The following ZBTB49 variants were observed in gnomAD, a reference collection of about 807,000 sequenced individuals.
ZBTB49 encodes the protein zinc finger and BTB domain-containing protein 49.
ZBTB49 carries 43 observed loss-of-function variants against 57.5 expected under a neutral mutation model. The ratio of observed to expected loss-of-function variants is 0.75; its 90% CI spans 0.59 to 0.97. The LOEUF (loss-of-function observed/expected upper bound fraction) is 0.97. Among genes scored for constraint, ZBTB49 ranks in the 50% least tolerant of loss-of-function variants. The pLI is 0.00. For synonymous variants in ZBTB49, 369 were observed against 362.1 expected, an observed-to-expected ratio of 1.02 and a Z score of -0.22; for missense variants, 938 against 947.7, an observed-to-expected ratio of 0.99 and a Z score of 0.13.
Position 4,290,694 on chromosome 4 carries a change from C to T in ZBTB49, c.-20+342C>T, listed in dbSNP as rs73194099. Reference sequence around the variant, plus strand: ...TTGCCCGCTGGAAGCCAGCCCGGCCCGCCTCCGCTACGCGCTGCCCATCTC... The same window carrying T: ...TTGCCCGCTGGAAGCCAGCCCGGCCTGCCTCCGCTACGCGCTGCCCATCTC... On this transcript the variant is annotated intron_variant, in intron 1 of 7. Coordinates refer to ENST00000337872, the MANE Select transcript of ZBTB49 (RefSeq NM_145291.4). Among the ~76,000 whole-genome samples, 254 of 152,368 alleles carry T rather than the reference C, an allele frequency of 1.7e-3. 1 individual carries two copies. Among genetic ancestry groups the T allele is most frequent in the Non-Finnish European group, 3.1e-3 (213 of 68,030 alleles).
rs780794764 is a variant in ZBTB49 at position 4,302,641 on chromosome 4, C to T, written c.805C>T (p.Pro269Ser). ...TCATTCTGAATGCATCCTGGAGTCT[C>T]CCGAGCACTTACCTTCCAACTTCCT... ...VSHSECILES[P>S]EHLPSNFLAQ... The change falls in exon 3 of 8, where the codon CCC (proline) becomes TCC (serine). Residue 269 changes from proline (P) to serine (S), a missense_variant. This residue lies in a region of ZBTB49 where 835 missense variants were observed against 819.1 expected (regional missense o/e 1.02). Transcript: ENST00000337872. 24 of 1,611,588 alleles carry T rather than the reference C, an allele frequency of 1.5e-5. No individual in the cohort carries two copies. Among genetic ancestry groups the T allele is most frequent in the Admixed American group, 1.3e-4 (8 of 59,814 alleles).
At chr4:4,317,910 G>C (rs1004519415) in intron 7 of ZBTB49, among the ~76,000 whole-genome samples, 1 of 152,112 alleles carries the variant, frequency 6.6e-6, no homozygotes, top group Non-Finnish European at 1.5e-5. Context: ...TGGTTTTAGT[G>C]GCAGCTTCCT....
chr4:4,304,963 CA>C, intron 3 of ZBTB49, among the ~76,000 whole-genome samples: 1 of 151,894 alleles, frequency 6.6e-6, no homozygotes, highest in Non-Finnish European at 1.5e-5. Context: ...GTCCTGAGGC[CA>C]AAAAGTCTGA....
chr4:4,306,043 G>A (rs1720720479), intron 3 of ZBTB49, 95 bp from the exon 4 acceptor site: 1 of 939,330 alleles, frequency 1.1e-6, no homozygotes. Flanking sequence ...AGAATGTAAT[G>A]CCATTTTGAA....
chr4:4,316,567 G>A (rs868070519), intron 7 of ZBTB49, among the ~76,000 whole-genome samples: 1 of 152,132 alleles, frequency 6.6e-6, no homozygotes, highest in African/African-American at 2.4e-5. Context: ...GTGTGTACCC[G>A]TGACAAGTAA....
chr4:4,300,671 C>T (rs1322709436), intron 2 of ZBTB49, among the ~76,000 whole-genome samples: 1 of 151,832 alleles, frequency 6.6e-6, no homozygotes, highest in Non-Finnish European at 1.5e-5. Context: ...TTCCCAGCTA[C>T]TCAGGAGGCT....
chr4:4,292,738 G>A (rs1163027825), intron 1 of ZBTB49, among the ~76,000 whole-genome samples: 1 of 152,160 alleles, frequency 6.6e-6, no homozygotes, highest in Non-Finnish European at 1.5e-5. Context: ...ACTTTAAGGT[G>A]CGTGAACTGT....
intron 2 of ZBTB49, among the ~76,000 whole-genome samples, chr4:4,300,333 G>C (rs1720421368): frequency 6.6e-6 from 1 of 152,116 alleles, no homozygotes; most frequent in Non-Finnish European, 1.5e-5. Flanking sequence ...AATTTGGGAT[G>C]ATTGAAAGTA....
intron 1 of ZBTB49, among the ~76,000 whole-genome samples, chr4:4,293,668 G>A (rs934346670): frequency 6.6e-6 from 1 of 152,362 alleles, no homozygotes; most frequent in Non-Finnish European, 1.5e-5. Flanking sequence ...ATTCTATGTG[G>A]TGTCAACTGG....
In ZBTB49 at chr4:4,294,933, C is replaced by T. The variant is rs552072936; in HGVS notation, c.-20+4581C>T. 1.9e-4 allele frequency among the ~76,000 whole-genome samples: 27 copies of T among 140,978 alleles called. No individual in the cohort carries two copies. In the South Asian group the frequency reaches 5.2e-3, roughly 27 times the overall value. The allele number at this position is 140,978 out of a possible 152,430, so 92.5% of individuals were successfully genotyped here. A position where few individuals can be genotyped will look rare whatever the true frequency, so the allele number is the denominator to read the frequency against. The stretch of plus-strand genomic sequence containing the variant: ...TGTGTGTGTTTAATGTCTTTTTTCC[C>T]GTGGGCGATAGCATAGCATAAAAGC... On this transcript the variant is annotated intron_variant, in intron 1 of 7. Transcript: ENST00000337872.
intron 1 of ZBTB49, among the ~76,000 whole-genome samples, chr4:4,291,408 G>C (rs1163188504): frequency 1.3e-5 from 2 of 152,168 alleles, no homozygotes; most frequent in East Asian, 3.8e-4. Flanking sequence ...GGTTGTATTA[G>C]GGCCCACCTT....
chr4:4,300,167 A>G, intron 2 of ZBTB49, 70 bp downstream of exon 2: 5 of 1,530,464 alleles, frequency 3.3e-6, no homozygotes, highest in Non-Finnish European at 4.5e-6. Context: ...GGAAGTATTC[A>G]TATTTTGTTC....
chr4:4,306,267 C>A, intron 4 of ZBTB49, 83 bp downstream of exon 4: 1 of 1,190,914 alleles, frequency 8.4e-7, no homozygotes, highest in Non-Finnish European at 1.2e-6. Flanking sequence ...TACTTTTGTA[C>A]TTGTGAGAGA....
rs201436106 is a variant in ZBTB49 at position 4,313,097 on chromosome 4, C to T, written c.1359C>T (p.Cys453=). The T allele has an allele frequency of 9.3e-6, 15 of 1,614,148 alleles. No individual in the cohort carries two copies. In the East Asian group the frequency reaches 2.2e-4, roughly 24 times the overall value. ...RRHSGEKPYI[C]EICGKRFAAS... ...ATTCTGGTGAAAAACCATACATCTG[C>T]GAGATCTGTGGAAAGAGGTCAGTGC... is the stretch of plus-strand genomic sequence containing the variant. Residue 453 remains cysteine, a synonymous_variant, in exon 5 of 8, where the codon TGC becomes TGT. Transcript: ENST00000337872.
chr4:4,296,234 G>C (rs900850818), intron 1 of ZBTB49, among the ~76,000 whole-genome samples: 1 of 152,232 alleles, frequency 6.6e-6, no homozygotes, highest in Non-Finnish European at 1.5e-5. Flanking sequence ...GTTGAGGACT[G>C]AGGAAAAGTC....
At chr4:4,314,424 T>C (rs2108896474) in intron 5 of ZBTB49, among the ~76,000 whole-genome samples, 1 of 152,372 alleles carries the variant, frequency 6.6e-6, no homozygotes, top group Admixed American at 6.5e-5. Context: ...CAGGCTGTAG[T>C]GAAGTGGCTG....
At position 4,300,000 on chromosome 4, in the gene ZBTB49, C is replaced by T. The variant is rs749954610; in HGVS notation, c.55C>T (p.Arg19Ter). Residue 19 changes from arginine to a stop codon, truncating the protein, a stop_gained, in exon 2 of 8, where the codon CGA (arginine) becomes TGA (stop). Coordinates refer to ENST00000337872, the MANE Select transcript of ZBTB49 (RefSeq NM_145291.4). LOFTEE classifies it high-confidence loss of function. ...TCTGCTCCAGCAACTGCATGAGCAG[C>T]GAATCCAAGGCCTGCTTTGTGACTG... ...CHLLQQLHEQ[R>*]IQGLLCDCML... The T allele has an allele frequency of 1.9e-6, 3 of 1,614,140 alleles. No individual in the cohort carries two copies. Among genetic ancestry groups the T allele is most frequent in the Non-Finnish European group, 2.5e-6 (3 of 1,180,010 alleles).
In ZBTB49 at chr4:4,321,415, C is replaced by G. The variant is rs1221106915; in HGVS notation, c.*99C>G. ...GTTTCCCCATGACAGTGCCTTCTAA[C>G]TAGCCAGAGAATAGGTAGCTTCCCT... On this transcript the variant is annotated 3_prime_UTR_variant, in exon 8 of 8. Coordinates refer to ENST00000337872, the MANE Select transcript of ZBTB49 (RefSeq NM_145291.4). 8.1e-7 allele frequency: 1 copy of G among 1,241,804 alleles called. No individual in the cohort carries two copies. The highest frequency in any genetic ancestry group is 1.5e-5 in the African/African-American group (1 of 66,300). 76.9% of individuals were successfully genotyped at this position (1,241,804 alleles called of 1,614,324 possible).
chr4:4,290,991 G>T (rs963320519), intron 1 of ZBTB49, among the ~76,000 whole-genome samples: 2 of 152,220 alleles, frequency 1.3e-5, no homozygotes, highest in Non-Finnish European at 2.9e-5. Context: ...GCACACAGTG[G>T]TGGTCACTAG....
Sources: gnomAD v4.1 joint callset for allele counts (sites outside exome capture counted in the v4.1 genomes callset) on GRCh38, gnomAD v4.1.1 for gene constraint, gnomAD v4.1.1 regional missense constraint, MANE v1.5 for transcripts, NCBI Gene and HGNC (gene_info 2026-07-23, HGNC 2026-07-21) for gene names.